The following MACROD2 variants were observed in gnomAD, a reference collection of about 807,000 sequenced individuals.
The protein encoded by MACROD2 is mono-ADP ribosylhydrolase 2.
A neutral mutation model predicts 70.4 loss-of-function variants in MACROD2; 36 were observed. That is an observed-to-expected ratio of 0.51 (90% CI 0.39 to 0.68). MACROD2 has a LOEUF of 0.68. Among genes scored for constraint, MACROD2 ranks in the 30% least tolerant of loss-of-function variants. MACROD2 has a pLI of 0.00. For synonymous variants in MACROD2, 172 were observed against 178.8 expected, an observed-to-expected ratio of 0.96 and a Z score of 0.30; for missense variants, 496 against 538.4, an observed-to-expected ratio of 0.92 and a Z score of 0.78.
At chr20:15,301,901 T>A (rs981578342) in intron 6 of MACROD2, among the ~76,000 whole-genome samples, 2 of 152,154 alleles carry the variant, frequency 1.3e-5, no homozygotes, top group East Asian at 1.9e-4. Context: ...GTGCAAAGGA[T>A]GTCTTAAACT....
intron 5 of MACROD2, among the ~76,000 whole-genome samples, chr20:14,959,132 GGTTT>G (rs796789594): frequency 4.6e-5 from 7 of 152,078 alleles, no homozygotes; most frequent in South Asian, 2.1e-4. Context: ...TGTTGTTGTT[GGTTT>G]GTTTGTTTGT....
chr20:14,945,423 C>T (rs1325877215), intron 5 of MACROD2, among the ~76,000 whole-genome samples: 1 of 152,134 alleles, frequency 6.6e-6, no homozygotes, highest in Admixed American at 6.5e-5. Context: ...ACTGGACCAG[C>T]ATTCTGGACT....
At chr20:15,022,519 C>A (rs1222286994) in intron 5 of MACROD2, among the ~76,000 whole-genome samples, 1 of 152,194 alleles carries the variant, frequency 6.6e-6, no homozygotes, top group Admixed American at 6.5e-5. Flanking sequence ...AATTTATGAA[C>A]ATGACTTAGA....
chr20:15,654,888 A>G (rs917583215), intron 8 of MACROD2, among the ~76,000 whole-genome samples: 2 of 152,086 alleles, frequency 1.3e-5, no homozygotes, highest in African/African-American at 4.8e-5. Flanking sequence ...TTTCCCCCAT[A>G]TAGAGTATCT....
intron 5 of MACROD2, among the ~76,000 whole-genome samples, chr20:15,157,312 G>T (rs2076313622): frequency 6.7e-6 from 1 of 148,930 alleles, no homozygotes; most frequent in Non-Finnish European, 1.5e-5. Context: ...TATCATGAGG[G>T]TCATGCTTTC....
At chr20:15,668,507 G>A (rs2049932626) in intron 8 of MACROD2, among the ~76,000 whole-genome samples, 1 of 152,032 alleles carries the variant, frequency 6.6e-6, no homozygotes, top group African/African-American at 2.4e-5. Context: ...GGCGGAGCTT[G>A]CAGTGAGCCG....
At chr20:15,640,076 T>A (rs1351622190) in intron 8 of MACROD2, among the ~76,000 whole-genome samples, 2 of 136,326 alleles carry the variant, frequency 1.5e-5, no homozygotes, top group African/African-American at 2.8e-5. Context: ...TGAGAGAAGG[T>A]GAGAGAAAAA....
In MACROD2 at chr20:16,049,829, G is replaced by A. The variant is rs550860060; in HGVS notation, c.1301-1G>A. 2 of 1,613,110 alleles carry A rather than the reference G, an allele frequency of 1.2e-6. No individual in the cohort carries two copies. The highest frequency in any genetic ancestry group is 2.2e-5 in the South Asian group (2 of 91,012). ...AACAAATGGCTTCTCTTTGTCTTCAGCAGGGGCACAAGATGAAGCGAAGGA... is the reference window on the plus strand; with the variant it reads ...AACAAATGGCTTCTCTTTGTCTTCAACAGGGGCACAAGATGAAGCGAAGGA... On this transcript the variant is annotated splice_acceptor_variant, in intron 17 of 17. Transcript: ENST00000684519. LOFTEE classifies it high-confidence loss of function.
chr20:14,510,058 CATTTCTAACTTA>C (rs1371546365), intron 4 of MACROD2, among the ~76,000 whole-genome samples: 1 of 151,990 alleles, frequency 6.6e-6, no homozygotes, highest in Non-Finnish European at 1.5e-5. Context: ...AGGTGGAACT[CATTTCTAACTTA>C]AAAATTATTT....
At chr20:15,708,990 C>T (rs143122640) in intron 8 of MACROD2, among the ~76,000 whole-genome samples, 2,037 of 152,234 alleles carry the variant, frequency 0.013, 19 homozygotes, top group Non-Finnish European at 0.022. Flanking sequence ...TGCACTCCAA[C>T]CCGGGCAACA....
At chr20:15,005,133 A>T (rs2075025778) in intron 5 of MACROD2, among the ~76,000 whole-genome samples, 2 of 152,362 alleles carry the variant, frequency 1.3e-5, no homozygotes, top group South Asian at 2.1e-4. Context: ...GCTAAATAAT[A>T]TCGCCACCTT....
intron 3 of MACROD2, among the ~76,000 whole-genome samples, chr20:14,341,336 T>C (rs1237599661): frequency 6.6e-6 from 1 of 152,194 alleles, no homozygotes; most frequent in Non-Finnish European, 1.5e-5. Flanking sequence ...ATCTTCAAAA[T>C]TGTGTAAAGA....
intron 3 of MACROD2, among the ~76,000 whole-genome samples, chr20:14,361,624 C>T (rs567298806): frequency 2.0e-5 from 3 of 152,264 alleles, no homozygotes; most frequent in Admixed American, 2.0e-4. Context: ...AGATTTCAGT[C>T]TCTGTAATGC....
intron 8 of MACROD2, among the ~76,000 whole-genome samples, chr20:15,774,807 GA>G (rs111739123): frequency 0.15 from 22,582 of 149,204 alleles, 1,813 homozygotes; most frequent in Middle Eastern, 0.3. Flanking sequence ...CTTCTACAGA[GA>G]AAAAAAAAAT....
chr20:15,601,887 G>A (rs546666352), intron 8 of MACROD2, among the ~76,000 whole-genome samples: 1 of 152,214 alleles, frequency 6.6e-6, no homozygotes, highest in South Asian at 2.1e-4. Context: ...AACTAGCCGG[G>A]TGTGTTGGCA....
intron 4 of MACROD2, among the ~76,000 whole-genome samples, chr20:14,506,551 T>C (rs1298609274): frequency 6.6e-6 from 1 of 152,118 alleles, no homozygotes; most frequent in Admixed American, 6.5e-5. Context: ...GGCAAAGATG[T>C]CAGAGACTGC....
intron 4 of MACROD2, among the ~76,000 whole-genome samples, chr20:14,649,730 T>G (rs1008288145): frequency 1.3e-5 from 2 of 152,188 alleles, no homozygotes; most frequent in Non-Finnish European, 2.9e-5. Flanking sequence ...TGTAAGTGCA[T>G]AGATCCCTAA....
chr20:14,291,938 C>G (rs1181568349), intron 3 of MACROD2, among the ~76,000 whole-genome samples: 1 of 151,834 alleles, frequency 6.6e-6, no homozygotes, highest in Non-Finnish European at 1.5e-5. Context: ...CAAGAGAGTC[C>G]TGTAAGACAG....
chr20:14,017,559 A>T (rs530158576), intron 2 of MACROD2, among the ~76,000 whole-genome samples: 1 of 152,230 alleles, frequency 6.6e-6, no homozygotes, highest in African/African-American at 2.4e-5. Context: ...CATTTTCTAT[A>T]TAAGTTTAGA....
Sources: gnomAD v4.1 joint callset for allele counts (sites outside exome capture counted in the v4.1 genomes callset) on GRCh38, gnomAD v4.1.1 for gene constraint, MANE v1.5 for transcripts, NCBI Gene and HGNC (gene_info 2026-07-23, HGNC 2026-07-21) for gene names.